SEC14L3: variants seen among roughly 807,000 people sequenced by gnomAD.
The protein encoded by SEC14L3 is SEC14-like protein 3.
SEC14L3 carries 56 observed loss-of-function variants against 57.4 expected under a neutral mutation model. The observed-to-expected ratio is 0.97, with a 90% CI of 0.79 to 1.22. SEC14L3 has a LOEUF of 1.22. SEC14L3 is among the 50% of genes most tolerant of loss of function. The pLI, the probability that SEC14L3 is intolerant of heterozygous loss-of-function variation, is 0.00. For synonymous variants in SEC14L3, 173 were observed against 194.4 expected (o/e 0.89, Z 0.92); for missense variants, 485 against 511.7 (o/e 0.95, Z 0.50).
rs1179099043 is a variant in SEC14L3, at chr22:30,470,009, G to A, written c.234+10C>T. The A allele has an allele frequency of 6.5e-7, 1 of 1,536,398 alleles. No individual in the cohort carries two copies. Among genetic ancestry groups the A allele is most frequent in the East Asian group, 2.3e-5 (1 of 44,190 alleles). On this transcript the variant is annotated intron_variant, in intron 4 of 11. Transcript: ENST00000215812. ...GTGAAAGACTGAGGTGTTTGGCGGT[G>A]TTGGCTCACCTCTGGGGGCTGCCAA...
chr22:30,449,560 TTTCTTTTC>T (rs1373534431), intron 12 of SEC14L3, among the ~76,000 whole-genome samples: 7 of 144,144 alleles, frequency 4.9e-5, no homozygotes, highest in African/African-American at 1.4e-4. Context: ...TTTCTTTTCT[TTTCTTTTC>T]TTTTTTTTTT....
At chr22:30,458,094 G>GCCTCT (rs1393219953), downstream of SEC14L3, among the ~76,000 whole-genome samples, 36 of 152,334 alleles carry the variant, frequency 2.4e-4, no homozygotes, top group East Asian at 1.9e-4. Context: ...TTTCCAAGGA[G>GCCTCT]CCTCTCATGG....
intron 5 of SEC14L3, among the ~76,000 whole-genome samples, chr22:30,467,520 C>T (rs1382948430): frequency 6.6e-6 from 1 of 152,198 alleles, no homozygotes. Flanking sequence ...AAAAAGTTCA[C>T]TGTCTGGCTG....
In SEC14L3 at chr22:30,466,911, A is replaced by G; in HGVS notation, c.519+71T>C. On this transcript the variant is annotated intron_variant, in intron 6 of 11. Coordinates refer to ENST00000215812, the MANE Select transcript of SEC14L3 (RefSeq NM_174975.5). Reference sequence around the variant, plus strand: ...TTAAACTAAATCTTGGCTCTCAGTAAGCAGCTGGGTCATGGCAGGCCAAGC... The same window carrying G: ...TTAAACTAAATCTTGGCTCTCAGTAGGCAGCTGGGTCATGGCAGGCCAAGC... 2.1e-6 allele frequency: 3 copies of G among 1,451,162 alleles called. No individual in the cohort carries two copies. In the Admixed American group the frequency reaches 6.0e-5, roughly 29 times the overall value. The allele number at this position is 1,451,162 out of a possible 1,614,324, so 89.9% of individuals were successfully genotyped here. A position where few individuals can be genotyped will look rare whatever the true frequency, so the allele number is the denominator to read the frequency against.
intron 7 of SEC14L3, 64 bp from the exon 8 acceptor site, chr22:30,464,967 T>G: frequency 6.2e-7 from 1 of 1,609,520 alleles, no homozygotes; most frequent in South Asian, 1.1e-5. Flanking sequence ...CCCTCCATAA[T>G]GGTTATAGCC....
At chr22:30,461,834 G>A in intron 9 of SEC14L3, 140 bp from the exon 10 acceptor site, 1 of 1,262,036 alleles carries the variant, frequency 7.9e-7, no homozygotes, top group Non-Finnish European at 1.1e-6. Flanking sequence ...AGCCTTCTAT[G>A]ACCCTCCAAA....
At chr22:30,465,906 C>G (rs1044689271) in intron 7 of SEC14L3, among the ~76,000 whole-genome samples, 5 of 152,236 alleles carry the variant, frequency 3.3e-5, no homozygotes, top group Non-Finnish European at 7.3e-5. Flanking sequence ...TGGACCCAGG[C>G]CTGTGAGGGC....
chr22:30,459,859 A>G lies in SEC14L3; in HGVS notation c.*162T>C. ...GGTTGTGCCTCTCATACCTTTCTTG[A>G]TCTGACCACAGTAGATGAGTTTTCC... On this transcript the variant is annotated 3_prime_UTR_variant, in exon 12 of 12. Coordinates refer to ENST00000215812, the MANE Select transcript of SEC14L3 (RefSeq NM_174975.5). 7.3e-7 allele frequency: 1 copy of G among 1,373,616 alleles called. No homozygotes were observed. The highest frequency in any genetic ancestry group is 1.8e-5 in the South Asian group (1 of 55,514). The allele number at this position is 1,373,616 out of a possible 1,614,324, so 85.1% of individuals were successfully genotyped here.
chr22:30,455,449 T>C (rs1935104562), downstream of SEC14L3, among the ~76,000 whole-genome samples: 1 of 151,494 alleles, frequency 6.6e-6, no homozygotes, highest in South Asian at 2.1e-4. Context: ...GGTTTCACCA[T>C]GTTGCCAGGC....
At position 30,461,419 on chromosome 22, in the gene SEC14L3, C is replaced by A. The variant is rs778546446; in HGVS notation, c.972G>T (p.Met324Ile). ...TCTCCCCTGCCCGCTGTCGCTCCCC[C>A]ATCTTGGTCTTCAGGAAAACTCCGA... Reference protein sequence around the residue: ...IGFGVFLKTKMGERQRAGEMT... With the variant: ...IGFGVFLKTKIGERQRAGEMT... Residue 324 changes from methionine to isoleucine, a missense_variant, in exon 11 of 12, where the codon ATG becomes ATT. Transcript: ENST00000215812. The A allele has an allele frequency of 1.4e-5, 23 of 1,613,976 alleles. No homozygotes were observed. The highest frequency in any genetic ancestry group is 1.7e-5 in the Non-Finnish European group (20 of 1,179,992).
At chr22:30,462,020 C>A in intron 9 of SEC14L3, 66 bp downstream of exon 9, 1 of 1,499,236 alleles carries the variant, frequency 6.7e-7, no homozygotes, top group Admixed American at 1.9e-5. Flanking sequence ...GGATGAATGA[C>A]TGAGTGGAAA....
intron 12 of SEC14L3, among the ~76,000 whole-genome samples, chr22:30,452,389 C>A (rs1569224232): frequency 6.6e-6 from 1 of 151,238 alleles, no homozygotes; most frequent in Non-Finnish European, 1.5e-5. Context: ...GGATTACAGG[C>A]TCCGGCCACC....
chr22:30,455,218 A>T (rs1935098998), downstream of SEC14L3, among the ~76,000 whole-genome samples: 1 of 123,956 alleles, frequency 8.1e-6, no homozygotes, highest in Non-Finnish European at 1.6e-5. Context: ...TAAATATTAA[A>T]TAATATAATA....
chr22:30,450,025 C>T (rs902958181), intron 12 of SEC14L3, among the ~76,000 whole-genome samples: 11 of 152,122 alleles, frequency 7.2e-5, no homozygotes, highest in African/African-American at 2.7e-4. Flanking sequence ...TGTGGTCCCT[C>T]CCCGCTACTG....
chr22:30,468,210 C>T (rs1398843855), intron 5 of SEC14L3, among the ~76,000 whole-genome samples: 1 of 151,234 alleles, frequency 6.6e-6, no homozygotes, highest in South Asian at 2.1e-4. Context: ...ACCTGGGAGG[C>T]GGAGGTTTCA....
intron 12 of SEC14L3, among the ~76,000 whole-genome samples, chr22:30,451,949 G>A (rs994426435): frequency 2.4e-5 from 3 of 122,676 alleles, no homozygotes; most frequent in Admixed American, 2.2e-4. Flanking sequence ...CCAAGATCGC[G>A]CCACTGCACT....
At chr22:30,449,690 G>A (rs556545125) in intron 12 of SEC14L3, among the ~76,000 whole-genome samples, 1 of 151,524 alleles carries the variant, frequency 6.6e-6, no homozygotes, top group South Asian at 2.1e-4. Context: ...TCAACCTCCC[G>A]AGTAGCTGGG....
chr22:30,463,579 C>G (rs923419269), intron 8 of SEC14L3, among the ~76,000 whole-genome samples: 1 of 152,148 alleles, frequency 6.6e-6, no homozygotes, highest in Non-Finnish European at 1.5e-5. Flanking sequence ...AGTTCCCCAT[C>G]CCAGTGGAAT....
Position 30,464,800 on chromosome 22 carries a change from A to G in SEC14L3, c.664+20T>C. 6.2e-7 allele frequency: 1 copy of G among 1,613,184 alleles called. No homozygotes were observed. Among genetic ancestry groups the G allele is most frequent in the Non-Finnish European group, 8.5e-7 (1 of 1,179,180 alleles). ...AAAGGTCATGTATAGAGGTCAGGAAATTGAGCTGGCACTACTTACTTCCCA... is the reference window on the plus strand; with the variant it reads ...AAAGGTCATGTATAGAGGTCAGGAAGTTGAGCTGGCACTACTTACTTCCCA... On this transcript the variant is annotated intron_variant, in intron 8 of 11. Transcript: ENST00000215812.
Sources: allele counts gnomAD v4.1 joint callset (sites outside exome capture counted in the v4.1 genomes callset), GRCh38; gene constraint gnomAD v4.1.1; transcripts MANE v1.5; gene names NCBI Gene and HGNC (gene_info 2026-07-23, HGNC 2026-07-21).